Variants in COL4A1 observed in about 807,000 individuals in gnomAD.
The protein encoded by COL4A1 is collagen alpha-1(IV) chain.
COL4A1 carries 40 observed loss-of-function variants against 216.6 expected under a neutral mutation model. The observed-to-expected ratio is 0.18, with a 90% CI of 0.14 to 0.24. The LOEUF (loss-of-function observed/expected upper bound fraction) is 0.24. Among genes scored for constraint, COL4A1 ranks in the 10% least tolerant of loss-of-function variants. The pLI is 1.00. For missense variants in COL4A1, 1,628 were observed against 2,196.8 expected (o/e 0.74, Z 5.18); for synonymous variants, 839 against 810.7 (o/e 1.03, Z -0.59).
intron 41 of COL4A1, among the ~76,000 whole-genome samples, chr13:110,172,116 G>A (rs1371906146): frequency 1.3e-5 from 2 of 152,232 alleles, no homozygotes; most frequent in African/African-American, 4.8e-5. Context: ...GCCCAGCCAC[G>A]GGCCATAAGC....
At chr13:110,269,709 C>A (rs1188633885) in intron 1 of COL4A1, among the ~76,000 whole-genome samples, 2 of 151,960 alleles carry the variant, frequency 1.3e-5, no homozygotes, top group Non-Finnish European at 2.9e-5. Context: ...AGGGTAGGTG[C>A]CAGCTGACCA....
At chr13:110,184,205 G>A (rs1213101570) in intron 26 of COL4A1, among the ~76,000 whole-genome samples, 1 of 152,128 alleles carries the variant, frequency 6.6e-6, no homozygotes, top group Non-Finnish European at 1.5e-5. Context: ...GGGGAGAGAG[G>A]ATCAACAGCC....
Position 110,307,018 on chromosome 13 carries a change from G to A in COL4A1, c.10C>T (p.Arg4Trp), listed in dbSNP as rs1884761835. MGP[R>W]LSVWLLLLPA... ...AGCAGCAGCAGCCAGACGCTGAGCC[G>A]GGGCCCCATGGTGGCGCGCCCGAGG... Residue 4 changes from arginine (R) to tryptophan (W), a missense_variant, in exon 1 of 52, where the codon CGG (arginine) becomes TGG (tryptophan). Arg to Trp is a moderately radical substitution (Grantham distance 101, BLOSUM62 -3). This residue lies in a region of COL4A1 where 74 missense variants were observed against 61.7 expected (regional missense o/e 1.20). Coordinates refer to ENST00000375820, the MANE Select transcript of COL4A1 (RefSeq NM_001845.6). This position sits in a 1 kb window ranked among gnomAD's most constrained non-coding sequence, Gnocchi z 5.0. The A allele has an allele frequency of 6.8e-7, 1 of 1,465,594 alleles. No individual in the cohort carries two copies. The highest frequency in any genetic ancestry group is 9.0e-7 in the Non-Finnish European group (1 of 1,113,690). 90.8% of individuals were successfully genotyped at this position (1,465,594 alleles called of 1,614,324 possible). A position where few individuals can be genotyped will look rare whatever the true frequency, so the allele number is the denominator to read the frequency against.
chr13:110,302,421 G>C (rs1234959150), intron 1 of COL4A1, among the ~76,000 whole-genome samples: 2 of 152,154 alleles, frequency 1.3e-5, no homozygotes, highest in African/African-American at 4.8e-5. Context: ...GGGAGTAATG[G>C]TGCATCATGG....
At chr13:110,165,619 C>T (rs1400613649) in intron 45 of COL4A1, among the ~76,000 whole-genome samples, 1 of 151,492 alleles carries the variant, frequency 6.6e-6, no homozygotes, top group African/African-American at 2.4e-5. Flanking sequence ...CTCCCCTCTC[C>T]TTCCTTGGGT....
intron 49 of COL4A1, among the ~76,000 whole-genome samples, chr13:110,160,449 C>A (rs927917845): frequency 0.012 from 1,240 of 107,740 alleles, no homozygotes; most frequent in Non-Finnish European, 0.013. Context: ...GACTCCGTCT[C>A]AAAAAAAAAA....
At chr13:110,216,723 T>C (rs978195399) in intron 2 of COL4A1, among the ~76,000 whole-genome samples, 1 of 152,170 alleles carries the variant, frequency 6.6e-6, no homozygotes, top group African/African-American at 2.4e-5. Context: ...TCCCTGTTTT[T>C]TCTGGGTCAC....
At chr13:110,238,342 C>A (rs539262450) in intron 2 of COL4A1, among the ~76,000 whole-genome samples, 2 of 152,304 alleles carry the variant, frequency 1.3e-5, no homozygotes, top group African/African-American at 4.8e-5. Flanking sequence ...ATAGTAGAAA[C>A]CGTCAAATCT....
chr13:110,186,506 T>G lies in COL4A1; in HGVS notation c.1776A>C (p.Gly592=). ...CGGTGTCACCACGACTGCCTGGGAA[T>G]CCAACTCCTCCAGGGGGGCCACGCT... ...KGERGPPGGV[G]FPGSRGDTGP... The change falls in exon 26 of 52, where the codon GGA becomes GGC. Residue 592 remains glycine (G), a synonymous_variant. Transcript: ENST00000375820. 1 of 1,613,904 alleles carries G rather than the reference T, an allele frequency of 6.2e-7. No individual in the cohort carries two copies. Among genetic ancestry groups the G allele is most frequent in the South Asian group, 1.1e-5 (1 of 91,084 alleles).
At chr13:110,192,109 C>T in intron 24 of COL4A1, 105 bp downstream of exon 24, 1 of 1,184,748 alleles carries the variant, frequency 8.4e-7, no homozygotes, top group Non-Finnish European at 1.3e-6. Flanking sequence ...TACCAGCTCC[C>T]ACACAAGGCA....
chr13:110,203,815 T>C (rs1879359844), intron 17 of COL4A1, among the ~76,000 whole-genome samples: 1 of 152,082 alleles, frequency 6.6e-6, no homozygotes. Flanking sequence ...CACATGAAAA[T>C]AAAGATCTCT....
chr13:110,215,586 A>C (rs1174359671), intron 2 of COL4A1, among the ~76,000 whole-genome samples: 1 of 150,838 alleles, frequency 6.6e-6, no homozygotes, highest in Admixed American at 6.6e-5. Flanking sequence ...ACAACAACCC[A>C]TAACCATTGT....
intron 49 of COL4A1, among the ~76,000 whole-genome samples, chr13:110,160,054 G>A (rs1384939118): frequency 2.6e-5 from 4 of 152,156 alleles, no homozygotes; most frequent in Non-Finnish European, 5.9e-5. Flanking sequence ...CACTGCAAAT[G>A]TACTTAATGC....
chr13:110,278,074 C>T lies in COL4A1; in HGVS notation c.84+28870G>A, dbSNP rs537768383. Among the ~76,000 whole-genome samples, 13 of 152,302 alleles carry T rather than the reference C, an allele frequency of 8.5e-5. No individual in the cohort carries two copies. In the South Asian group the frequency reaches 1.0e-3, roughly 12 times the overall value. ...CTTCACTGAGAAGTACATACGTTAA[C>T]GTATTTAGAATAATATTTTCTCCCA... On this transcript the variant is annotated intron_variant, in intron 1 of 51. Coordinates refer to ENST00000375820, the MANE Select transcript of COL4A1 (RefSeq NM_001845.6).
intron 22 of COL4A1, 102 bp from the exon 23 acceptor site, chr13:110,193,015 A>T (rs1451554173): frequency 7.4e-6 from 8 of 1,078,178 alleles, no homozygotes; most frequent in Non-Finnish European, 1.1e-5. Context: ...CTAACATATT[A>T]CATCCAAACT....
chr13:110,164,761 C>T, intron 46 of COL4A1, 101 bp downstream of exon 46: 1 of 1,509,946 alleles, frequency 6.6e-7, no homozygotes, highest in Non-Finnish European at 8.9e-7. Context: ...TGTGTATAAT[C>T]ATTACCCAGA....
At chr13:110,189,781 T>A (rs1878553386) in intron 24 of COL4A1, among the ~76,000 whole-genome samples, 1 of 152,218 alleles carries the variant, frequency 6.6e-6, no homozygotes, top group Non-Finnish European at 1.5e-5. Context: ...TCGGGCTGCC[T>A]TCTGGTCCTC....
chr13:110,306,905 G>A, intron 1 of COL4A1, 39 bp downstream of exon 1: 2 of 1,434,966 alleles, frequency 1.4e-6, no homozygotes. Flanking sequence ...GCCCAAGCTC[G>A]GGGCGGGACG....
chr13:110,232,222 A>G (rs1179273221), intron 2 of COL4A1, among the ~76,000 whole-genome samples: 1 of 152,228 alleles, frequency 6.6e-6, no homozygotes, highest in Non-Finnish European at 1.5e-5. Flanking sequence ...ACCATGTTTA[A>G]TGGATTTGCC....
Sources: allele counts gnomAD v4.1 joint callset (sites outside exome capture counted in the v4.1 genomes callset), GRCh38; gene constraint gnomAD v4.1.1; regional missense constraint gnomAD v4.1.1; non-coding constraint Gnocchi (gnomAD v3.1); transcripts MANE v1.5; gene names NCBI Gene and HGNC (gene_info 2026-07-23, HGNC 2026-07-21).